SPRED1: variants seen among roughly 807,000 people sequenced by gnomAD.
SPRED1 encodes the protein sprouty-related, EVH1 domain-containing protein 1.
Under a neutral mutation model 52.3 loss-of-function variants are expected in SPRED1, and 18 were observed. The ratio of observed to expected loss-of-function variants is 0.34; its 90% CI spans 0.24 to 0.51. SPRED1 has a LOEUF of 0.51. Ranked by LOEUF, SPRED1 falls within the 20% of genes least tolerant of loss-of-function variation. The pLI, the probability that SPRED1 is intolerant of heterozygous loss-of-function variation, is 0.97. For missense variants in SPRED1, 485 were observed against 551.0 expected, an observed-to-expected ratio of 0.88 and a Z score of 1.20; for synonymous variants, 155 against 179.7, an observed-to-expected ratio of 0.86 and a Z score of 1.10.
intron 2 of SPRED1, among the ~76,000 whole-genome samples, chr15:38,316,591 C>T (rs1477793228): frequency 6.6e-6 from 1 of 151,854 alleles, no homozygotes; most frequent in Non-Finnish European, 1.5e-5. Context: ...TTTCCTAAAG[C>T]CGGCTCCAGC....
intron 1 of SPRED1, among the ~76,000 whole-genome samples, chr15:38,280,384 G>T (rs1894662497): frequency 6.6e-6 from 1 of 152,124 alleles, no homozygotes; most frequent in Non-Finnish European, 1.5e-5. Flanking sequence ...GCAGTAGATT[G>T]ATTATTTAGC....
chr15:38,303,607 A>G (rs1895192206), intron 2 of SPRED1, among the ~76,000 whole-genome samples: 1 of 152,158 alleles, frequency 6.6e-6, no homozygotes, highest in Non-Finnish European at 1.5e-5. Context: ...ATATCTGTTT[A>G]CTACTAAACA....
chr15:38,337,626 A>G (rs1471851851), intron 4 of SPRED1, among the ~76,000 whole-genome samples: 1 of 152,196 alleles, frequency 6.6e-6, no homozygotes, highest in Non-Finnish European at 1.5e-5. Flanking sequence ...TATTTAAAGT[A>G]AAATGTGTTA....
At chr15:38,334,703 T>A (rs11491096) in intron 4 of SPRED1, among the ~76,000 whole-genome samples, 145,728 of 152,060 alleles carry the variant, frequency 0.96, 70,116 homozygotes, top group East Asian at 1. Context: ...GTCATATATC[T>A]TAATTTTTGA....
intron 1 of SPRED1, 103 bp from the exon 2 acceptor site, chr15:38,299,270 C>T (rs1895102613): frequency 7.9e-7 from 1 of 1,262,224 alleles, no homozygotes; most frequent in Non-Finnish European, 1.2e-6. Flanking sequence ...CCTTAGTCAC[C>T]ACATGTTAAC....
At chr15:38,350,945 C>T (rs1345524998) in intron 6 of SPRED1, 69 bp from the exon 7 acceptor site, 2 of 1,443,392 alleles carry the variant, frequency 1.4e-6, no homozygotes, top group Non-Finnish European at 1.9e-6. Flanking sequence ...GGACACTGGC[C>T]CCACCAAGGT....
rs367745143 is a variant in SPRED1, at chr15:38,299,400, G to C, written c.60G>C (p.Val20=). The C allele has an allele frequency of 8.7e-6, 14 of 1,613,774 alleles. No individual in the cohort carries two copies. Among genetic ancestry groups the C allele is most frequent in the Admixed American group, 1.7e-5 (1 of 59,964 alleles). The change falls in exon 2 of 7, where the codon GTG becomes GTC. Residue 20 remains valine (V), a synonymous_variant. Coordinates refer to ENST00000299084, the MANE Select transcript of SPRED1 (RefSeq NM_152594.3). ...NDNSYARVRA[V]VMTRDDSSGG... ...ATAGTTATGCACGAGTGCGAGCTGTGGTGATGACCCGAGATGACTCAAGTG... is the reference window on the plus strand; with the variant it reads ...ATAGTTATGCACGAGTGCGAGCTGTCGTGATGACCCGAGATGACTCAAGTG...
chr15:38,339,281 A>T (rs1683924671), intron 4 of SPRED1, among the ~76,000 whole-genome samples: 1 of 152,300 alleles, frequency 6.6e-6, no homozygotes, highest in Admixed American at 6.5e-5. Context: ...CATTCAACAC[A>T]ATAGTAGACT....
At position 38,351,245 on chromosome 15, in the gene SPRED1, A is replaced by G. The variant is rs1300035418; in HGVS notation, c.916A>G (p.Lys306Glu). ...GGATGAGACTAAGTTAAGTTCACCC[A>G]AAGACTCTGTGGTATTTAAGACGCA... Reference protein sequence around the residue: ...CGDETKLSSPKDSVVFKTQPS... With the variant: ...CGDETKLSSPEDSVVFKTQPS... The change falls in exon 7 of 7, where the codon AAA (lysine) becomes GAA (glutamate). Residue 306 changes from lysine to glutamate, a missense_variant. This residue lies in a region of SPRED1 where 205 missense variants were observed against 245.2 expected (regional missense o/e 0.84). Transcript: ENST00000299084. 6.2e-7 allele frequency: 1 copy of G among 1,614,142 alleles called. No homozygotes were observed. The highest frequency in any genetic ancestry group is 1.6e-4 in the Middle Eastern group (1 of 6,062).
intron 4 of SPRED1, among the ~76,000 whole-genome samples, chr15:38,328,020 A>G (rs1027755078): frequency 6.6e-6 from 1 of 152,292 alleles, no homozygotes; most frequent in Non-Finnish European, 1.5e-5. Flanking sequence ...TTTGGAATGT[A>G]TGGGAAGTTG....
At chr15:38,282,547 C>G (rs1285382407) in intron 1 of SPRED1, among the ~76,000 whole-genome samples, 1 of 152,040 alleles carries the variant, frequency 6.6e-6, no homozygotes, top group African/African-American at 2.4e-5. Context: ...TCATGCTACT[C>G]AAGAAGCCAT....
At chr15:38,268,198 T>G (rs753212180) in intron 1 of SPRED1, 3 of 152,260 alleles carry the variant, frequency 2.0e-5, no homozygotes, top group Non-Finnish European at 4.4e-5. Flanking sequence ...TTCTGAATTC[T>G]TCTGCAGTCC....
At chr15:38,257,824 A>G (rs1023405777) in intron 1 of SPRED1, among the ~76,000 whole-genome samples, 1 of 152,236 alleles carries the variant, frequency 6.6e-6, no homozygotes, top group Non-Finnish European at 1.5e-5. Context: ...AGGAAAGGGT[A>G]AACAGCAGCA....
intron 1 of SPRED1, among the ~76,000 whole-genome samples, chr15:38,266,020 A>G (rs1265355728): frequency 6.6e-6 from 1 of 152,212 alleles, no homozygotes; most frequent in Non-Finnish European, 1.5e-5. Flanking sequence ...GATGGTCTGT[A>G]TGCTCATGTT....
At chr15:38,330,052 G>T (rs1200376224) in intron 4 of SPRED1, among the ~76,000 whole-genome samples, 1 of 152,104 alleles carries the variant, frequency 6.6e-6, no homozygotes, top group African/African-American at 2.4e-5. Flanking sequence ...TCATTTAAAG[G>T]GTTGAAGATT....
At chr15:38,341,950 G>A (rs867126527) in intron 5 of SPRED1, among the ~76,000 whole-genome samples, 3 of 150,354 alleles carry the variant, frequency 2.0e-5, no homozygotes, top group Middle Eastern at 3.5e-3. Flanking sequence ...TCTGGTTAGC[G>A]CTTTCACAAT....
intron 1 of SPRED1, chr15:38,298,596 C>T (rs1417882583): frequency 7.3e-6 from 2 of 273,574 alleles, no homozygotes; most frequent in Non-Finnish European, 7.0e-6. Flanking sequence ...CTGTTTGATT[C>T]CATTTATTTG....
intron 2 of SPRED1, among the ~76,000 whole-genome samples, chr15:38,300,337 G>A (rs1895127665): frequency 6.6e-6 from 1 of 152,106 alleles, no homozygotes; most frequent in African/African-American, 2.4e-5. Flanking sequence ...CATACACTTA[G>A]ACGCAAAATA....
At chr15:38,313,645 A>G (rs555290182) in intron 2 of SPRED1, among the ~76,000 whole-genome samples, 1 of 151,274 alleles carries the variant, frequency 6.6e-6, no homozygotes, top group East Asian at 1.9e-4. Context: ...ATTATATTCT[A>G]TATTATATCA....
Sources: allele counts gnomAD v4.1 joint callset (sites outside exome capture counted in the v4.1 genomes callset), GRCh38; gene constraint gnomAD v4.1.1; regional missense constraint gnomAD v4.1.1; transcripts MANE v1.5; gene names NCBI Gene and HGNC (gene_info 2026-07-23, HGNC 2026-07-21).